The following USP37 variants were observed in gnomAD, a reference collection of about 807,000 sequenced individuals.
The protein encoded by USP37 is ubiquitin specific peptidase 37, also known as ubiquitin carboxyl-terminal hydrolase 37.
USP37 carries 27 observed loss-of-function variants against 124.0 expected under a neutral mutation model. The observed-to-expected ratio is 0.22, with a 90% confidence interval of 0.16 to 0.30. The LOEUF is 0.30. Among genes scored for constraint, USP37 ranks in the 10% least tolerant of loss-of-function variants. USP37 has a pLI of 1.00. For missense variants in USP37, 889 were observed against 1,140.4 expected, an observed-to-expected ratio of 0.78 and a Z score of 3.17; for synonymous variants, 365 against 388.0, an observed-to-expected ratio of 0.94 and a Z score of 0.70.
intron 16 of USP37, 85 bp downstream of exon 16, chr2:218,485,579 T>A: frequency 7.1e-7 from 1 of 1,400,540 alleles, no homozygotes. Context: ...TGTATGAACT[T>A]TAAAAAGAAA....
chr2:218,480,409 A>G (rs931363830), intron 17 of USP37, among the ~76,000 whole-genome samples: 27 of 151,244 alleles, frequency 1.8e-4, no homozygotes, highest in African/African-American at 6.0e-4. Context: ...AAAAAAAAAA[A>G]AAAAAAAAAA....
At chr2:218,521,409 T>C (rs1690612141) in intron 10 of USP37, among the ~76,000 whole-genome samples, 2 of 152,138 alleles carry the variant, frequency 1.3e-5, no homozygotes, top group African/African-American at 4.8e-5. Context: ...GCCATGGTGA[T>C]TTGCTGCATC....
intron 4 of USP37, among the ~76,000 whole-genome samples, chr2:218,557,293 G>C (rs2106057083): frequency 6.6e-6 from 1 of 152,202 alleles, no homozygotes. Context: ...TGCTCCTAAA[G>C]ATCTGTATTT....
chr2:218,525,623 C>T (rs1451998568), intron 10 of USP37, among the ~76,000 whole-genome samples: 3 of 152,156 alleles, frequency 2.0e-5, no homozygotes, highest in Non-Finnish European at 2.9e-5. Context: ...TAATGTCAAT[C>T]TGATTTCTCC....
At chr2:218,473,990 C>T (rs1448049274) in intron 20 of USP37, among the ~76,000 whole-genome samples, 3 of 152,084 alleles carry the variant, frequency 2.0e-5, no homozygotes, top group African/African-American at 7.2e-5. Context: ...GCAACTGTAA[C>T]ACAATGGTAA....
intron 11 of USP37, among the ~76,000 whole-genome samples, chr2:218,502,012 C>CTT (rs1689416026): frequency 2.0e-5 from 3 of 152,022 alleles, no homozygotes; most frequent in Non-Finnish European, 4.4e-5. Flanking sequence ...AGAGTGTTAA[C>CTT]AGAGACTCCA....
chr2:218,526,641 C>T (rs187244543), intron 10 of USP37, among the ~76,000 whole-genome samples: 29 of 152,128 alleles, frequency 1.9e-4, no homozygotes, highest in Admixed American at 6.6e-4. Context: ...TGAGGCTTTT[C>T]GATGTGAGGA....
chr2:218,556,550 G>C (rs945602703), intron 4 of USP37, among the ~76,000 whole-genome samples: 1 of 92,976 alleles, frequency 1.1e-5, no homozygotes, highest in African/African-American at 4.3e-5. Flanking sequence ...TTTCGCTCTT[G>C]TTGCCCAGGC....
rs1331977654 is a variant in USP37, at chr2:218,453,282, AGAT to A, written c.*1645_*1647del. On this transcript the variant is annotated 3_prime_UTR_variant, in exon 26 of 26. Coordinates refer to ENST00000258399, the MANE Select transcript of USP37 (RefSeq NM_020935.3). The stretch of plus-strand genomic sequence containing the variant: ...GTTTTTGTTTTCGTTTTTTTTAATG[AGAT>A]GGAGTCTCACTCTGTCACTCAGACT... The A allele has an allele frequency of 6.6e-6, 1 of 151,816 alleles. No individual in the cohort carries two copies. The highest frequency in any genetic ancestry group is 1.5e-5 in the Non-Finnish European group (1 of 67,980). The allele number at this position is 151,816 out of a possible 1,614,324, so 9.4% of individuals were successfully genotyped here.
At chr2:218,469,161 C>G (rs1690533846) in intron 20 of USP37, among the ~76,000 whole-genome samples, 2 of 152,122 alleles carry the variant, frequency 1.3e-5, no homozygotes, top group African/African-American at 2.4e-5. Flanking sequence ...GGAAAAATCC[C>G]AATTGTTCAG....
intron 18 of USP37, 77 bp downstream of exon 18, chr2:218,479,573 C>A: frequency 8.5e-7 from 1 of 1,170,258 alleles, no homozygotes; most frequent in Non-Finnish European, 1.3e-6. Context: ...AATGAAAAGG[C>A]AGGGAGGCAA....
chr2:218,470,415 G>A (rs554318562), intron 20 of USP37, among the ~76,000 whole-genome samples: 132 of 151,986 alleles, frequency 8.7e-4, no homozygotes, highest in Non-Finnish European at 1.3e-3. Flanking sequence ...AATTTCCTAA[G>A]AGGTCTCAAG....
At chr2:218,546,104 C>G (rs1291280223) in intron 8 of USP37, 117 bp downstream of exon 8, 1 of 847,962 alleles carries the variant, frequency 1.2e-6, no homozygotes, top group African/African-American at 1.7e-5. Context: ...ACATTCTGCT[C>G]TTCCATCTTT....
intron 16 of USP37, 109 bp from the exon 17 acceptor site, chr2:218,482,343 T>A: frequency 8.0e-7 from 1 of 1,257,354 alleles, no homozygotes; most frequent in Non-Finnish European, 1.1e-6. Flanking sequence ...AAAAAATCCA[T>A]TTGGCCAAAC....
chr2:218,458,529 C>T (rs1245378891), intron 23 of USP37, among the ~76,000 whole-genome samples: 1 of 151,694 alleles, frequency 6.6e-6, no homozygotes, highest in African/African-American at 2.4e-5. Context: ...GAGCTGAGAT[C>T]GTGTCACTGC....
intron 22 of USP37, 38 bp from the exon 23 acceptor site, chr2:218,459,943 G>C: frequency 6.6e-7 from 1 of 1,521,922 alleles, no homozygotes; most frequent in Non-Finnish European, 9.1e-7. Context: ...AAAAGTTCTT[G>C]GAATAGAATG....
chr2:218,534,304 T>C (rs1010202562), intron 9 of USP37, among the ~76,000 whole-genome samples: 1 of 152,070 alleles, frequency 6.6e-6, no homozygotes, highest in African/African-American at 2.4e-5. Context: ...GCCTGGCCAA[T>C]ATGGTGAAAT....
At chr2:218,478,897 T>G (rs190654878) in intron 18 of USP37, among the ~76,000 whole-genome samples, 1 of 152,042 alleles carries the variant, frequency 6.6e-6, no homozygotes. Flanking sequence ...GAAAAGAAAA[T>G]AGCAGTTCCC....
chr2:218,556,008 A>G (rs1218537035), intron 4 of USP37, among the ~76,000 whole-genome samples: 1 of 152,098 alleles, frequency 6.6e-6, no homozygotes, highest in Non-Finnish European at 1.5e-5. Context: ...AAACTCCCAT[A>G]ATAACCTCCT....
Sources: allele counts gnomAD v4.1 joint callset (sites outside exome capture counted in the v4.1 genomes callset), GRCh38; gene constraint gnomAD v4.1.1; transcripts MANE v1.5; gene names NCBI Gene and HGNC (gene_info 2026-07-23, HGNC 2026-07-21).